Variants in NUSAP1 observed in about 807,000 individuals in gnomAD.
NUSAP1 encodes the protein nucleolar and spindle associated protein 1, also known as nucleolar and spindle-associated protein 1.
In NUSAP1, 32 loss-of-function variants were observed where a neutral mutation model predicts 52.8. The observed-to-expected ratio is 0.61, with a 90% CI of 0.46 to 0.81. The LOEUF (loss-of-function observed/expected upper bound fraction) is 0.81. NUSAP1 is among the 40% of genes least tolerant of loss of function. NUSAP1 has a pLI of 0.00. For synonymous variants in NUSAP1, 195 were observed against 183.1 expected (o/e 1.06, Z -0.52); for missense variants, 499 against 522.3 (o/e 0.96, Z 0.43).
chr15:41,338,482 A>ACC (rs1453442745), intron 1 of NUSAP1, among the ~76,000 whole-genome samples: 2 of 151,916 alleles, frequency 1.3e-5, no homozygotes, highest in Non-Finnish European at 2.9e-5. Context: ...TCCTAAATAG[A>ACC]CCTGAAATCT....
Position 41,371,686 on chromosome 15 carries a change from TAAAAA to T in NUSAP1, c.1006+13_1006+17del. On this transcript the variant is annotated splice_donor_5th_base_variant and intron_variant, in intron 8 of 10. Transcript: ENST00000559596. ...CCATCACGGGGAATTCTGCTGCTGG[TAAAAA>T]AAAAAAAAAACAAAAGAAATCTGTT... 3.0e-6 allele frequency: 4 copies of T among 1,314,572 alleles called. No homozygotes were observed. The highest frequency in any genetic ancestry group is 2.6e-5 in the Admixed American group (1 of 38,824). The allele number at this position is 1,314,572 out of a possible 1,614,324, so 81.4% of individuals were successfully genotyped here.
chr15:41,375,605 C>A, intron 8 of NUSAP1, 107 bp from the exon 9 acceptor site: 1 of 757,642 alleles, frequency 1.3e-6, no homozygotes, highest in African/African-American at 1.7e-5. Flanking sequence ...GCCACCATGC[C>A]CAGCCTATAA....
At chr15:41,376,742 A>G (rs1464555899) in intron 9 of NUSAP1, among the ~76,000 whole-genome samples, 1 of 151,284 alleles carries the variant, frequency 6.6e-6, no homozygotes, top group Non-Finnish European at 1.5e-5. Flanking sequence ...AAAAAGCAAC[A>G]CATAAACTTC....
intron 8 of NUSAP1, among the ~76,000 whole-genome samples, chr15:41,375,049 C>T (rs1190768631): frequency 2.0e-5 from 3 of 148,740 alleles, no homozygotes; most frequent in African/African-American, 7.4e-5. Flanking sequence ...CTTGCTCTGT[C>T]ACCAGGCTGG....
intron 1 of NUSAP1, among the ~76,000 whole-genome samples, chr15:41,336,999 C>CTTTTTTTT (rs201223527): frequency 2.0e-4 from 13 of 65,820 alleles, no homozygotes; most frequent in Non-Finnish European, 2.7e-4. Flanking sequence ...CTTTCCTTTT[C>CTTTTTTTT]TTTTTTTTTT....
chr15:41,377,662 G>A (rs574383030), intron 10 of NUSAP1, among the ~76,000 whole-genome samples: 96 of 146,722 alleles, frequency 6.5e-4, no homozygotes, highest in African/African-American at 2.4e-3. Flanking sequence ...TCGCGCCACT[G>A]CACTCTAGCC....
intron 8 of NUSAP1, among the ~76,000 whole-genome samples, chr15:41,375,148 C>T (rs1165401083): frequency 6.7e-6 from 1 of 149,652 alleles, no homozygotes; most frequent in Non-Finnish European, 1.5e-5. Context: ...CATGGGACTA[C>T]AGGCATGCAC....
chr15:41,348,703 C>A (rs2140607503), intron 2 of NUSAP1, among the ~76,000 whole-genome samples: 1 of 152,218 alleles, frequency 6.6e-6, no homozygotes, highest in Non-Finnish European at 1.5e-5. Context: ...GCAATGGCGC[C>A]ATCTTGGCTC....
At chr15:41,379,321 G>A (rs1204363102) in intron 10 of NUSAP1, among the ~76,000 whole-genome samples, 1 of 151,292 alleles carries the variant, frequency 6.6e-6, no homozygotes, top group Middle Eastern at 3.4e-3. Flanking sequence ...TAGAGACAGG[G>A]TCTTACTTTT....
rs1301831160 is a variant in NUSAP1, at chr15:41,356,021, C to T, written c.449-18C>T. On this transcript the variant is annotated intron_variant, in intron 4 of 10. Transcript: ENST00000559596. ...ACTTTTTTGAAATCCTTCATTATTTCTGTGTCTTTGGATTTAGGTAACAGA... is the reference window on the plus strand; with the variant it reads ...ACTTTTTTGAAATCCTTCATTATTTTTGTGTCTTTGGATTTAGGTAACAGA... The T allele has an allele frequency of 6.8e-7, 1 of 1,474,920 alleles. No individual in the cohort carries two copies. The highest frequency in any genetic ancestry group is 9.4e-7 in the Non-Finnish European group (1 of 1,063,350). The allele number at this position is 1,474,920 out of a possible 1,614,324, so 91.4% of individuals were successfully genotyped here.
intron 8 of NUSAP1, among the ~76,000 whole-genome samples, chr15:41,372,401 T>C (rs2049738097): frequency 6.6e-6 from 1 of 152,188 alleles, no homozygotes; most frequent in Non-Finnish European, 1.5e-5. Flanking sequence ...TTTTCAGTGG[T>C]GTGGGTATAT....
In NUSAP1 at chr15:41,358,253, C is replaced by T. The variant is rs952635315; in HGVS notation, c.655C>T (p.Leu219=). 3 of 1,388,746 alleles carry T rather than the reference C, an allele frequency of 2.2e-6. No individual in the cohort carries two copies. Among genetic ancestry groups the T allele is most frequent in the African/African-American group, 2.9e-5 (2 of 69,810 alleles). 86.0% of individuals were successfully genotyped at this position (1,388,746 alleles called of 1,614,324 possible). The change falls in exon 6 of 11, where the codon CTG becomes TTG. Residue 219 remains leucine (L), a synonymous_variant. Transcript: ENST00000559596. ...TGAAGAACACAATTCCATGAATGAA[C>T]TGAAGGTATGTAGATAAAATTATGT... The part of the protein sequence containing the change: ...HFEEHNSMNE[L]KQQPINKGGV...
intron 1 of NUSAP1, among the ~76,000 whole-genome samples, chr15:41,340,641 T>G (rs921317749): frequency 6.6e-6 from 1 of 152,158 alleles, no homozygotes; most frequent in Non-Finnish European, 1.5e-5. Flanking sequence ...ACTTCATGCA[T>G]TTTTGTATGT....
intron 6 of NUSAP1, among the ~76,000 whole-genome samples, chr15:41,364,883 A>AG (rs2049323489): frequency 6.6e-6 from 1 of 152,038 alleles, no homozygotes; most frequent in Non-Finnish European, 1.5e-5. Flanking sequence ...AAAAAAAAAA[A>AG]GAAAGAAAAT....
chr15:41,348,812 A>G (rs936073892), intron 2 of NUSAP1, among the ~76,000 whole-genome samples: 1 of 151,658 alleles, frequency 6.6e-6, no homozygotes, highest in Non-Finnish European at 1.5e-5. Flanking sequence ...GTAATTTTCT[A>G]TTTTTAGTAG....
At chr15:41,380,003 G>T in intron 10 of NUSAP1, 90 bp from the exon 11 acceptor site, 2 of 863,400 alleles carry the variant, frequency 2.3e-6, no homozygotes, top group Non-Finnish European at 3.7e-6. Context: ...GTCATTGCTT[G>T]GAAGTTTGGG....
chr15:41,342,878 A>G (rs1412304019), intron 2 of NUSAP1, among the ~76,000 whole-genome samples: 1 of 152,048 alleles, frequency 6.6e-6, no homozygotes, highest in Non-Finnish European at 1.5e-5. Context: ...TAAAAAAGAG[A>G]TCATTATTGG....
At chr15:41,348,359 G>C (rs2048658474) in intron 2 of NUSAP1, among the ~76,000 whole-genome samples, 1 of 152,028 alleles carries the variant, frequency 6.6e-6, no homozygotes, top group Non-Finnish European at 1.5e-5. Flanking sequence ...GGTTACAGGT[G>C]TGAGCCACTG....
rs559015211 is a variant in NUSAP1 at position 41,373,472 on chromosome 15, C to T, written c.1006+1788C>T. Among the ~76,000 whole-genome samples, 359 of 119,412 alleles carry T rather than the reference C, an allele frequency of 3.0e-3. 1 individual carries two copies. Among genetic ancestry groups the T allele is most frequent in the South Asian group, 7.7e-3 (28 of 3,660 alleles). 78.3% of individuals were successfully genotyped at this position (119,412 alleles called of 152,430 possible). A position where few individuals can be genotyped will look rare whatever the true frequency, so the allele number is the denominator to read the frequency against. ...TCTTTTTTTTTTTTTTTTTTTGAGA[C>T]GGAGTCTCACTCTATCACCCAGGCT... On this transcript the variant is annotated intron_variant, in intron 8 of 10. Coordinates refer to ENST00000559596, the MANE Select transcript of NUSAP1 (RefSeq NM_016359.5).
Sources: gnomAD v4.1 joint callset for allele counts (sites outside exome capture counted in the v4.1 genomes callset) on GRCh38, gnomAD v4.1.1 for gene constraint, MANE v1.5 for transcripts, NCBI Gene and HGNC (gene_info 2026-07-23, HGNC 2026-07-21) for gene names.